Variants in ATXN1 observed in about 807,000 individuals in gnomAD.
The protein encoded by ATXN1 is ataxin 1.
Under a neutral mutation model 56.4 loss-of-function variants are expected in ATXN1, and 8 were observed. The observed-to-expected ratio is 0.14, with a 90% CI of 0.08 to 0.26. The LOEUF is 0.26. Ranked by LOEUF, ATXN1 falls within the 10% of genes least tolerant of loss-of-function variation. The pLI is 1.00. For missense variants in ATXN1, 987 were observed against 1,106.5 expected (o/e 0.89, Z 1.53); for synonymous variants, 514 against 494.6 (o/e 1.04, Z -0.52).
chr6:16,645,160 G>C (rs1213725585), intron 3 of ATXN1, among the ~76,000 whole-genome samples: 1 of 152,184 alleles, frequency 6.6e-6, no homozygotes, highest in Non-Finnish European at 1.5e-5. Context: ...GGTTCCACCA[G>C]ATGGAAGAAG....
chr6:16,584,500 T>C (rs1451382881), intron 4 of ATXN1, among the ~76,000 whole-genome samples: 5 of 151,924 alleles, frequency 3.3e-5, no homozygotes, highest in Non-Finnish European at 5.9e-5. Context: ...AACTTAAAAT[T>C]CCCTAGGACC....
intron 3 of ATXN1, among the ~76,000 whole-genome samples, chr6:16,648,617 A>G (rs1763842321): frequency 6.6e-6 from 1 of 152,232 alleles, no homozygotes; most frequent in Non-Finnish European, 1.5e-5. Flanking sequence ...AGGTTTTTAA[A>G]TGAATGCAAA....
chr6:16,679,129 T>C (rs1172300273), intron 2 of ATXN1, among the ~76,000 whole-genome samples: 2 of 149,486 alleles, frequency 1.3e-5, no homozygotes, highest in Non-Finnish European at 3.0e-5. Flanking sequence ...GATGGACAAA[T>C]AGATAGATGG....
rs66603893 is a variant in ATXN1 at position 16,549,896 on chromosome 6, CA to C, written c.-360-27209del. ...GGGCAACAAGAGCGAAACTCTGTCTCAAAAAAAAAAAAAAAAAAAAAGGAAT... is the reference window on the plus strand; with the variant it reads ...GGGCAACAAGAGCGAAACTCTGTCTCAAAAAAAAAAAAAAAAAAAAGGAAT... On this transcript the variant is annotated intron_variant, in intron 4 of 7. Transcript: ENST00000436367. Among the ~76,000 whole-genome samples the C allele has an allele frequency of 1.9e-3, 128 of 66,782 alleles. 1 individual carries two copies. The East Asian group carries it at 0.039, about 20-fold the overall frequency. 43.8% of individuals were successfully genotyped at this position (66,782 alleles called of 152,430 possible).
chr6:16,753,649 G>A (rs1448650329), intron 1 of ATXN1, among the ~76,000 whole-genome samples: 1 of 152,162 alleles, frequency 6.6e-6, no homozygotes, highest in Non-Finnish European at 1.5e-5. Context: ...AATGATTCTA[G>A]CCAATCATCT....
chr6:16,328,585 G>T lies in ATXN1; in HGVS notation c.-160-115C>A. ...GAAAGAACATCTTTGGCAAGATTAA[G>T]ACTAGGCCCTGGACTCGGTGTGAAC... On this transcript the variant is annotated intron_variant, in intron 6 of 7. Coordinates refer to ENST00000436367, the MANE Select transcript of ATXN1 (RefSeq NM_001128164.2). This position sits in a 1 kb window ranked among gnomAD's most constrained non-coding sequence, Gnocchi z 6.2. 2.6e-6 allele frequency: 1 copy of T among 390,146 alleles called. No homozygotes were observed. Among genetic ancestry groups the T allele is most frequent in the Non-Finnish European group, 4.2e-6 (1 of 235,414 alleles). 24.2% of individuals were successfully genotyped at this position (390,146 alleles called of 1,614,324 possible). A position where few individuals can be genotyped will look rare whatever the true frequency, so the allele number is the denominator to read the frequency against.
chr6:16,734,380 C>G (rs2113491208), intron 2 of ATXN1, among the ~76,000 whole-genome samples: 1 of 152,106 alleles, frequency 6.6e-6, no homozygotes, highest in Non-Finnish European at 1.5e-5. Flanking sequence ...CTTCTTTGTT[C>G]TCCATGATGG....
chr6:16,361,106 G>A (rs116412685), intron 6 of ATXN1, among the ~76,000 whole-genome samples: 1,929 of 152,310 alleles, frequency 0.013, 39 homozygotes, highest in African/African-American at 0.043. Context: ...GAGCCCCTAT[G>A]GAGAATAAGT....
At chr6:16,608,849 G>A (rs1287488829) in intron 3 of ATXN1, among the ~76,000 whole-genome samples, 2 of 152,182 alleles carry the variant, frequency 1.3e-5, no homozygotes, top group African/African-American at 4.8e-5. Context: ...TGTCCTGAGG[G>A]AGTTCATTAT....
At chr6:16,743,487 C>A (rs6900710) in intron 2 of ATXN1, among the ~76,000 whole-genome samples, 15,377 of 152,206 alleles carry the variant, frequency 0.1, 1,420 homozygotes, top group East Asian at 0.36. Flanking sequence ...ACATCACAGT[C>A]CATATTAATA....
At chr6:16,348,691 G>A (rs2113456236) in intron 6 of ATXN1, among the ~76,000 whole-genome samples, 1 of 151,412 alleles carries the variant, frequency 6.6e-6, no homozygotes, top group South Asian at 2.1e-4. Context: ...GTGAAACTCT[G>A]CCTTAGAAAA....
At position 16,760,358 on chromosome 6, in the gene ATXN1, C is replaced by T. The variant is rs1230322022; in HGVS notation, c.-730+940G>A. ...TGCCGCGGCTCCTCGTCTCCTGCCG[C>T]GGGTGCTGGCGGGGGCGCCGGCCCG... is the stretch of plus-strand genomic sequence containing the variant. On this transcript the variant is annotated intron_variant, in intron 1 of 7. Coordinates refer to ENST00000436367, the MANE Select transcript of ATXN1 (RefSeq NM_001128164.2). This position sits in a 1 kb window ranked among gnomAD's most constrained non-coding sequence, Gnocchi z 5.3. Among the ~76,000 whole-genome samples the T allele has an allele frequency of 6.6e-6, 1 of 151,836 alleles. No individual in the cohort carries two copies. Among genetic ancestry groups the T allele is most frequent in the African/African-American group, 2.4e-5 (1 of 41,410 alleles).
intron 5 of ATXN1, among the ~76,000 whole-genome samples, chr6:16,501,437 A>G (rs1031403829): frequency 6.6e-6 from 1 of 152,026 alleles, no homozygotes; most frequent in African/African-American, 2.4e-5. Context: ...TAAGCCCCTC[A>G]TGCATTAGGT....
At chr6:16,395,270 C>CAAAAAAAAAAAAAAAAAAAAAAAAA (rs748314030) in intron 6 of ATXN1, among the ~76,000 whole-genome samples, 16 of 48,446 alleles carry the variant, frequency 3.3e-4, no homozygotes, top group Non-Finnish European at 4.7e-4. Flanking sequence ...AACTCCGTCT[C>CAAAAAAAAAAAAAAAAAAAAAAAAA]AAAAAAAAAA....
intron 5 of ATXN1, among the ~76,000 whole-genome samples, chr6:16,507,525 T>C (rs1761002620): frequency 6.6e-6 from 1 of 152,182 alleles, no homozygotes; most frequent in Admixed American, 6.5e-5. Context: ...TTGACTGAAG[T>C]CTCCAAAGCC....
At chr6:16,401,740 G>A (rs1758578118) in intron 6 of ATXN1, among the ~76,000 whole-genome samples, 1 of 152,154 alleles carries the variant, frequency 6.6e-6, no homozygotes, top group East Asian at 1.9e-4. Context: ...GAGTGTAACT[G>A]AATATTTTTC....
intron 6 of ATXN1, among the ~76,000 whole-genome samples, chr6:16,364,498 T>C (rs1417731977): frequency 6.6e-6 from 1 of 152,110 alleles, no homozygotes; most frequent in East Asian, 1.9e-4. Context: ...AGAGATAGGG[T>C]TTCACTGTGT....
At chr6:16,504,261 C>A (rs1200737226) in intron 5 of ATXN1, among the ~76,000 whole-genome samples, 2 of 152,172 alleles carry the variant, frequency 1.3e-5, no homozygotes, top group African/African-American at 4.8e-5. Flanking sequence ...TTGCTAGGAG[C>A]CAGCTTTCAC....
chr6:16,545,757 T>C (rs1460521416), intron 4 of ATXN1, among the ~76,000 whole-genome samples: 1 of 152,246 alleles, frequency 6.6e-6, no homozygotes, highest in African/African-American at 2.4e-5. Context: ...TGTGCCCATT[T>C]AAATCATGAG....
Sources: allele counts gnomAD v4.1 joint callset (sites outside exome capture counted in the v4.1 genomes callset), GRCh38; gene constraint gnomAD v4.1.1; non-coding constraint Gnocchi (gnomAD v3.1); transcripts MANE v1.5; gene names NCBI Gene and HGNC (gene_info 2026-07-23, HGNC 2026-07-21).